Variants in CCSER1 observed in about 807,000 individuals in gnomAD.
CCSER1 encodes the protein coiled-coil serine rich protein 1, also known as serine-rich coiled-coil domain-containing protein 1.
In CCSER1, 41 loss-of-function variants were observed where a neutral mutation model predicts 82.0. The observed-to-expected ratio is 0.50, with a 90% CI of 0.39 to 0.65. The LOEUF (loss-of-function observed/expected upper bound fraction) is 0.65. Ranked by LOEUF, CCSER1 falls within the 30% of genes least tolerant of loss-of-function variation. The pLI, the probability that CCSER1 is intolerant of heterozygous loss-of-function variation, is 0.00. For missense variants in CCSER1, 1,119 were observed against 1,064.2 expected, an observed-to-expected ratio of 1.05 and a Z score of -0.72; for synonymous variants, 414 against 383.9, an observed-to-expected ratio of 1.08 and a Z score of -0.92.
intron 10 of CCSER1, among the ~76,000 whole-genome samples, chr4:91,523,353 T>C (rs1452668972): frequency 6.6e-6 from 1 of 152,234 alleles, no homozygotes; most frequent in Admixed American, 6.5e-5. Flanking sequence ...GTTGTGTCTC[T>C]GCCAGGCTTT....
chr4:91,336,667 TG>T (rs1172001506), intron 10 of CCSER1, among the ~76,000 whole-genome samples: 18 of 152,098 alleles, frequency 1.2e-4, no homozygotes, highest in Admixed American at 6.6e-5. Context: ...CAGTAGTAAT[TG>T]GATAATAAAT....
chr4:90,380,004 C>G (rs1447338278), intron 3 of CCSER1, among the ~76,000 whole-genome samples: 1 of 152,110 alleles, frequency 6.6e-6, no homozygotes, highest in Non-Finnish European at 1.5e-5. Context: ...CACTCACTTT[C>G]CTAAGGATGG....
At chr4:90,683,245 A>G (rs1017417066) in intron 6 of CCSER1, 1 of 152,146 alleles carries the variant, frequency 6.6e-6, no homozygotes, top group Non-Finnish European at 1.5e-5. Flanking sequence ...GACTTTAGAC[A>G]TAGAGAGAAT....
At chr4:91,110,202 A>T (rs1401131385) in intron 10 of CCSER1, among the ~76,000 whole-genome samples, 1 of 152,104 alleles carries the variant, frequency 6.6e-6, no homozygotes, top group African/African-American at 2.4e-5. Context: ...ATTTAAAAAA[A>T]AATTAACACA....
chr4:91,147,538 T>A (rs1433120281), intron 10 of CCSER1, among the ~76,000 whole-genome samples: 1 of 152,214 alleles, frequency 6.6e-6, no homozygotes. Flanking sequence ...AGTTTTCTGA[T>A]AGTGGGGGCT....
intron 8 of CCSER1, among the ~76,000 whole-genome samples, chr4:90,880,177 G>A (rs990857420): frequency 1.3e-5 from 2 of 152,104 alleles, no homozygotes; most frequent in Non-Finnish European, 2.9e-5. Context: ...GGCTGTAGAA[G>A]GTGGCTTGGC....
chr4:91,357,875 T>TCC (rs1748954353), intron 10 of CCSER1, among the ~76,000 whole-genome samples: 2 of 100,442 alleles, frequency 2.0e-5, no homozygotes, highest in Admixed American at 1.1e-4. Flanking sequence ...AAATTCTGCC[T>TCC]GCCCCCCCCC....
At chr4:91,361,951 T>C (rs988689366) in intron 10 of CCSER1, among the ~76,000 whole-genome samples, 1 of 151,718 alleles carries the variant, frequency 6.6e-6, no homozygotes, top group African/African-American at 2.4e-5. Flanking sequence ...TTTGGCGCTA[T>C]TTTACAATCT....
At chr4:91,157,710 C>A (rs1485983202) in intron 10 of CCSER1, among the ~76,000 whole-genome samples, 1 of 151,950 alleles carries the variant, frequency 6.6e-6, no homozygotes, top group African/African-American at 2.4e-5. Context: ...AGTTTTATTG[C>A]AAATGAAATG....
chr4:91,446,579 T>TTG lies in CCSER1; in HGVS notation c.2218-151974_2218-151973dup, dbSNP rs10607137. On this transcript the variant is annotated intron_variant, in intron 10 of 10. Coordinates refer to ENST00000509176, the MANE Select transcript of CCSER1 (RefSeq NM_001145065.2). ...ATTCTGCTATTTTTCTTTCTATTCT[T>TTG]TGTGTGTGTGTGTGTGTGTGCATCT... Among the ~76,000 whole-genome samples the TTG allele has an allele frequency of 4.4e-3, 640 of 146,752 alleles. 4 individuals are homozygous for TTG. Among genetic ancestry groups the TTG allele is most frequent in the African/African-American group, 0.014 (547 of 40,224 alleles).
chr4:90,547,345 G>T, intron 5 of CCSER1, among the ~76,000 whole-genome samples: 1 of 151,914 alleles, frequency 6.6e-6, no homozygotes, highest in East Asian at 1.9e-4. Flanking sequence ...AGAAATGCCT[G>T]ATGCCACATT....
At chr4:90,809,334 A>G (rs1224318741) in intron 7 of CCSER1, among the ~76,000 whole-genome samples, 2 of 151,224 alleles carry the variant, frequency 1.3e-5, no homozygotes, top group African/African-American at 4.9e-5. Context: ...ACACACACAC[A>G]CACACACGCA....
At chr4:90,484,332 T>C (rs1215572927) in intron 5 of CCSER1, among the ~76,000 whole-genome samples, 2 of 152,204 alleles carry the variant, frequency 1.3e-5, no homozygotes, top group African/African-American at 2.4e-5. Flanking sequence ...CTCCTTTAGC[T>C]CGGAGTAGTT....
intron 10 of CCSER1, among the ~76,000 whole-genome samples, chr4:91,595,943 T>TAAAAAAAAAAAAAAAAAAAAAAAA (rs1170927227): frequency 1.3e-5 from 1 of 78,888 alleles, no homozygotes; most frequent in Non-Finnish European, 2.3e-5. Context: ...ACAGAGAACT[T>TAAAAAAAAAAAAAAAAAAAAAAAA]AAAAAAAAAA....
intron 10 of CCSER1, among the ~76,000 whole-genome samples, chr4:91,357,883 C>A (rs943624967): frequency 4.1e-5 from 3 of 73,140 alleles, no homozygotes; most frequent in African/African-American, 8.5e-5. Flanking sequence ...CCTGCCCCCC[C>A]CCCCTTTTTT....
At chr4:91,084,318 T>A (rs1581514827) in intron 9 of CCSER1, among the ~76,000 whole-genome samples, 1 of 152,124 alleles carries the variant, frequency 6.6e-6, no homozygotes, top group East Asian at 1.9e-4. Context: ...TAATTACTAT[T>A]TTGGGATATG....
At chr4:91,483,897 T>A (rs1213118243) in intron 10 of CCSER1, among the ~76,000 whole-genome samples, 2 of 152,154 alleles carry the variant, frequency 1.3e-5, no homozygotes, top group Admixed American at 1.3e-4. Context: ...TTTAAATGAA[T>A]AGAGTTGCTT....
At chr4:91,548,196 G>A (rs372131542) in intron 10 of CCSER1, among the ~76,000 whole-genome samples, 12 of 152,218 alleles carry the variant, frequency 7.9e-5, no homozygotes, top group East Asian at 5.8e-4. Context: ...TGCAATTTAC[G>A]TGTAAAACTA....
chr4:90,247,351 G>C (rs1171036576), intron 1 of CCSER1, among the ~76,000 whole-genome samples: 2 of 152,056 alleles, frequency 1.3e-5, no homozygotes, highest in Non-Finnish European at 2.9e-5. Context: ...CGTAGTTGTT[G>C]ATACATCCTG....
Sources: allele counts gnomAD v4.1 joint callset (sites outside exome capture counted in the v4.1 genomes callset), GRCh38; gene constraint gnomAD v4.1.1; transcripts MANE v1.5; gene names NCBI Gene and HGNC (gene_info 2026-07-23, HGNC 2026-07-21).